The following CCDC40 variants were observed in gnomAD, a reference collection of about 807,000 sequenced individuals.
CCDC40 encodes the protein coiled-coil domain-containing protein 40.
CCDC40 carries 104 observed loss-of-function variants against 124.5 expected under a neutral mutation model. That is an observed-to-expected ratio of 0.84 (90% CI 0.71 to 0.98). The LOEUF (loss-of-function observed/expected upper bound fraction) is 0.98. Ranked by LOEUF, CCDC40 falls within the 50% of genes least tolerant of loss-of-function variation. The pLI, the probability that CCDC40 is intolerant of heterozygous loss-of-function variation, is 0.00. For missense variants in CCDC40, 1,463 were observed against 1,503.9 expected (o/e 0.97, Z 0.45); for synonymous variants, 580 against 602.9 (o/e 0.96, Z 0.56).
At chr17:80,078,049 G>A (rs2038350730) in intron 10 of CCDC40, among the ~76,000 whole-genome samples, 1 of 152,042 alleles carries the variant, frequency 6.6e-6, no homozygotes, top group African/African-American at 2.4e-5. Flanking sequence ...TAAGGGTCAG[G>A]CCGGGCACAG....
intron 2 of CCDC40, among the ~76,000 whole-genome samples, chr17:80,039,315 C>T (rs1211195981): frequency 2.6e-5 from 4 of 151,774 alleles, no homozygotes; most frequent in Admixed American, 6.6e-5. Flanking sequence ...TGCAGTGAGC[C>T]GAGATCACGC....
chr17:80,048,730 G>A lies in CCDC40; in HGVS notation c.824G>A (p.Gly275Glu), dbSNP rs745794389. 3 of 1,612,928 alleles carry A rather than the reference G, an allele frequency of 1.9e-6. No individual in the cohort carries two copies. The South Asian group carries it at 3.3e-5, about 18-fold the overall frequency. ...EGSDEEAEDE[G>E]SQLVVLDPDH... Reference sequence around the variant, plus strand: ...AGTGACGAGGAAGCAGAAGACGAAGGGTCCCAGCTGGTGGTTTTGGACCCA... The same window carrying A: ...AGTGACGAGGAAGCAGAAGACGAAGAGTCCCAGCTGGTGGTTTTGGACCCA... Residue 275 changes from glycine to glutamate, a missense_variant, in exon 5 of 20, where the codon GGG (glycine) becomes GAG (glutamate). Coordinates refer to ENST00000397545, the MANE Select transcript of CCDC40 (RefSeq NM_017950.4).
In CCDC40 at chr17:80,048,578, C is replaced by T. The variant is rs774191082; in HGVS notation, c.677-5C>T. Reference sequence around the variant, plus strand: ...CCTCAATGGTGTCGCTGTCTCTCCCCCCAGTGATCCCCCCAGGGGTGCCCG... The same window carrying T: ...CCTCAATGGTGTCGCTGTCTCTCCCTCCAGTGATCCCCCCAGGGGTGCCCG... On this transcript the variant is annotated splice_region_variant and splice_polypyrimidine_tract_variant and intron_variant, in intron 4 of 19. Transcript: ENST00000397545. 11 of 1,612,072 alleles carry T rather than the reference C, an allele frequency of 6.8e-6. No individual in the cohort carries two copies. The highest frequency in any genetic ancestry group is 8.5e-6 in the Non-Finnish European group (10 of 1,178,760).
chr17:80,086,231 GCCCGGC>G lies in CCDC40; in HGVS notation c.2449+18_2449+23del. On this transcript the variant is annotated intron_variant, in intron 14 of 19. Coordinates refer to ENST00000397545, the MANE Select transcript of CCDC40 (RefSeq NM_017950.4). The surrounding 1 kb of genome is among the most constrained non-coding windows in gnomAD (Gnocchi z 5.5). Reference sequence around the variant, plus strand: ...ACGAGTAGAAAGTAAGAGCCGCCGTGCCCGGCCCTGCAGTGATGCTGAGACGAGCTC... The same window carrying G: ...ACGAGTAGAAAGTAAGAGCCGCCGTGCCTGCAGTGATGCTGAGACGAGCTC... 1 of 1,570,806 alleles carries G rather than the reference GCCCGGC, an allele frequency of 6.4e-7. No individual in the cohort carries two copies. Among genetic ancestry groups the G allele is most frequent in the Middle Eastern group, 2.0e-4 (1 of 5,002 alleles).
chr17:80,071,040 A>G (rs542606533), intron 10 of CCDC40, among the ~76,000 whole-genome samples: 1 of 152,324 alleles, frequency 6.6e-6, no homozygotes, highest in South Asian at 2.1e-4. Flanking sequence ...AGGCAATCCA[A>G]CGTGGGTCCC....
intron 10 of CCDC40, among the ~76,000 whole-genome samples, chr17:80,068,879 G>A (rs1339276224): frequency 6.6e-6 from 1 of 152,234 alleles, no homozygotes; most frequent in African/African-American, 2.4e-5. Flanking sequence ...TTATCTGTGG[G>A]GGAGGACACA....
intron 17 of CCDC40, among the ~76,000 whole-genome samples, chr17:80,091,913 C>T (rs1212616865): frequency 6.6e-6 from 1 of 151,744 alleles, no homozygotes; most frequent in Non-Finnish European, 1.5e-5. Flanking sequence ...CTTCTCAGTT[C>T]TGGTGTTATT....
At chr17:80,063,935 A>T (rs1166205783) in intron 9 of CCDC40, among the ~76,000 whole-genome samples, 4 of 152,214 alleles carry the variant, frequency 2.6e-5, no homozygotes, top group Non-Finnish European at 5.9e-5. Flanking sequence ...CACATTGTAC[A>T]TGTGTCGAAA....
rs148328399 is a variant in CCDC40 at position 80,092,408 on chromosome 17, G to A, written c.2832+2524G>A. 3.1e-3 allele frequency among the ~76,000 whole-genome samples: 475 copies of A among 152,052 alleles called. 6 individuals carry two copies. Among genetic ancestry groups the A allele is most frequent in the African/African-American group, 0.011 (450 of 41,462 alleles). ...CATCATGATATATTTCCTCATCCTC[G>A]AATTCCCTCATGCCCTCTGTAGTCA... is the stretch of plus-strand genomic sequence containing the variant. On this transcript the variant is annotated intron_variant, in intron 17 of 19. Transcript: ENST00000397545.
In CCDC40 at chr17:80,095,305, C is replaced by T. The variant is rs376073190; in HGVS notation, c.2875C>T (p.Arg959Cys). 17 of 1,613,940 alleles carry T rather than the reference C, an allele frequency of 1.1e-5. No individual in the cohort carries two copies. In the East Asian group the frequency reaches 1.3e-4, roughly 13 times the overall value. Residue 959 changes from arginine (R) to cysteine (C), a missense_variant, in exon 18 of 20, where the codon CGT becomes TGT. By Grantham distance (180) the Arg-to-Cys change is radical. Coordinates refer to ENST00000397545, the MANE Select transcript of CCDC40 (RefSeq NM_017950.4). ...QLLKQQEKMI[R>C]AMELAVARRE... ...GCTGAAGCAGCAGGAGAAGATGATC[C>T]GTGCCATGGAGTTGGCGGTTGCCCG...
chr17:80,090,622 A>G, intron 17 of CCDC40: 1 of 1,466,882 alleles, frequency 6.8e-7, no homozygotes, highest in South Asian at 1.4e-5. Context: ...GTCTCACACC[A>G]CAGAAGGGCT....
intron 10 of CCDC40, among the ~76,000 whole-genome samples, chr17:80,078,126 T>C (rs980716757): frequency 1.3e-5 from 2 of 152,094 alleles, no homozygotes; most frequent in African/African-American, 4.8e-5. Flanking sequence ...GGTCAGGAGA[T>C]TGAGACCATC....
chr17:80,070,764 C>A lies in CCDC40; in HGVS notation c.1562+5158C>A, dbSNP rs571348658. 2.9e-4 allele frequency among the ~76,000 whole-genome samples: 44 copies of A among 152,236 alleles called. No homozygotes were observed. The South Asian group carries it at 8.3e-3, about 29-fold the overall frequency. On this transcript the variant is annotated intron_variant, in intron 10 of 19. Coordinates refer to ENST00000397545, the MANE Select transcript of CCDC40 (RefSeq NM_017950.4). Reference sequence around the variant, plus strand: ...TCCAGCCTGGGCAACAGAGCCAGAGCCTGTCTCAAAAAAATAAAAAAGTGT... The same window carrying A: ...TCCAGCCTGGGCAACAGAGCCAGAGACTGTCTCAAAAAAATAAAAAAGTGT...
At chr17:80,091,715 G>A (rs2038727203) in intron 17 of CCDC40, among the ~76,000 whole-genome samples, 1 of 152,042 alleles carries the variant, frequency 6.6e-6, no homozygotes, top group Admixed American at 6.6e-5. Context: ...AGCCCAGTTA[G>A]GTTAACCCAA....
intron 17 of CCDC40, among the ~76,000 whole-genome samples, chr17:80,094,785 A>G (rs1233902457): frequency 6.6e-6 from 1 of 152,176 alleles, no homozygotes; most frequent in Admixed American, 6.5e-5. Context: ...GAACCTTTCT[A>G]TGACTCCAGA....
rs1417928199 is a variant in CCDC40, at chr17:80,088,004, C to G, written c.2620-7C>G. On this transcript the variant is annotated splice_region_variant and splice_polypyrimidine_tract_variant and intron_variant, in intron 15 of 19. Coordinates refer to ENST00000397545, the MANE Select transcript of CCDC40 (RefSeq NM_017950.4). ...CCCACAGCTGTCCCGCCCCCTCCCC[C>G]ATGCAGGCCTCTGAGAGGGAGACCA... The G allele has an allele frequency of 6.2e-7, 1 of 1,605,590 alleles. No homozygotes were observed. The highest frequency in any genetic ancestry group is 8.5e-7 in the Non-Finnish European group (1 of 1,172,326).
At chr17:80,048,274 T>C (rs1598485564) in intron 4 of CCDC40, 1 of 398,262 alleles carries the variant, frequency 2.5e-6, no homozygotes, top group East Asian at 5.8e-5. Flanking sequence ...TAAAAAATAT[T>C]GTATCCAATC....
intron 7 of CCDC40, among the ~76,000 whole-genome samples, chr17:80,056,014 A>ATTTTTTTTTTTT (rs1173801732): frequency 7.4e-4 from 10 of 13,446 alleles, no homozygotes; most frequent in Admixed American, 4.3e-3. Context: ...ATATATATAT[A>ATTTTTTTTTTTT]TATTTTTTTT....
chr17:80,067,895 T>A (rs2038089359), intron 10 of CCDC40: 1 of 1,358,464 alleles, frequency 7.4e-7, no homozygotes, highest in African/African-American at 1.5e-5. Context: ...AAAACGTGCA[T>A]GCGCAGAATG....
Sources: allele counts gnomAD v4.1 joint callset (sites outside exome capture counted in the v4.1 genomes callset), GRCh38; gene constraint gnomAD v4.1.1; non-coding constraint Gnocchi (gnomAD v3.1); transcripts MANE v1.5; gene names NCBI Gene and HGNC (gene_info 2026-07-23, HGNC 2026-07-21).